CADM1: variants seen among roughly 807,000 people sequenced by gnomAD.
The protein encoded by CADM1 is cell adhesion molecule 1.
Under a neutral mutation model 53.1 loss-of-function variants are expected in CADM1, and 15 were observed. The observed-to-expected ratio is 0.28, with a 90% CI of 0.19 to 0.44. The LOEUF (loss-of-function observed/expected upper bound fraction) is 0.44, where lower values mean the gene tolerates loss of function less well. CADM1 is among the 20% of genes least tolerant of loss of function. The pLI, the probability that CADM1 is intolerant of heterozygous loss-of-function variation, is 1.00. For synonymous variants in CADM1, 281 were observed against 243.0 expected (o/e 1.16, Z -1.45); for missense variants, 434 against 611.3 (o/e 0.71, Z 3.06).
At chr11:115,179,447 T>C (rs1354584076) in intron 10 of CADM1, among the ~76,000 whole-genome samples, 1 of 152,216 alleles carries the variant, frequency 6.6e-6, no homozygotes, top group Non-Finnish European at 1.5e-5. Context: ...TGCAATGCAA[T>C]TAATTTTCCT....
intron 1 of CADM1, among the ~76,000 whole-genome samples, chr11:115,478,893 G>A (rs1268493652): frequency 6.6e-6 from 1 of 152,014 alleles, no homozygotes; most frequent in Admixed American, 6.5e-5. Context: ...TCCATTGTAT[G>A]GACAGATCAT....
intron 5 of CADM1, among the ~76,000 whole-genome samples, chr11:115,224,616 T>TA (rs1373623900): frequency 6.6e-6 from 1 of 152,180 alleles, no homozygotes; most frequent in Non-Finnish European, 1.5e-5. Flanking sequence ...CACACAGCAG[T>TA]AATTCAAGAG....
chr11:115,334,010 G>T (rs1170288047), intron 1 of CADM1, among the ~76,000 whole-genome samples: 1 of 152,122 alleles, frequency 6.6e-6, no homozygotes, highest in Non-Finnish European at 1.5e-5. Flanking sequence ...CTATGCCATA[G>T]CATAAATGTT....
chr11:115,493,574 G>T (rs966360162), intron 1 of CADM1, among the ~76,000 whole-genome samples: 2 of 152,042 alleles, frequency 1.3e-5, no homozygotes, highest in Non-Finnish European at 2.9e-5. Context: ...GGACAAAAAT[G>T]GAGAACCCTA....
At chr11:115,328,244 C>G (rs1945011891) in intron 1 of CADM1, among the ~76,000 whole-genome samples, 1 of 151,980 alleles carries the variant, frequency 6.6e-6, no homozygotes, top group African/African-American at 2.4e-5. Context: ...ATTTACGTCT[C>G]TTCTGATTTC....
intron 1 of CADM1, among the ~76,000 whole-genome samples, chr11:115,261,385 T>C (rs1288793930): frequency 6.6e-6 from 1 of 152,188 alleles, no homozygotes; most frequent in Admixed American, 6.5e-5. Flanking sequence ...TCTCAAAAAT[T>C]AACACAGGGC....
chr11:115,392,225 C>T, intron 1 of CADM1, among the ~76,000 whole-genome samples: 1 of 151,948 alleles, frequency 6.6e-6, no homozygotes, highest in East Asian at 1.9e-4. Context: ...TTCTTACTCC[C>T]CACTCAAATA....
chr11:115,216,598 C>A (rs980800356), intron 6 of CADM1, among the ~76,000 whole-genome samples: 1 of 152,174 alleles, frequency 6.6e-6, no homozygotes, highest in Non-Finnish European at 1.5e-5. Context: ...GATCACTCTG[C>A]TGAAGCTCGA....
At chr11:115,289,583 CTTT>C in intron 1 of CADM1, among the ~76,000 whole-genome samples, 1 of 104,544 alleles carries the variant, frequency 9.6e-6, no homozygotes, top group South Asian at 3.1e-4. Flanking sequence ...ACTGAATTTT[CTTT>C]TTTTTTCTTT....
intron 1 of CADM1, among the ~76,000 whole-genome samples, chr11:115,295,799 G>T (rs1054302760): frequency 4.0e-5 from 6 of 151,422 alleles, no homozygotes; most frequent in African/African-American, 1.5e-4. Context: ...CCATGACTTG[G>T]GGTTTCCTGT....
chr11:115,358,613 C>T (rs904186661), intron 1 of CADM1, among the ~76,000 whole-genome samples: 2 of 152,090 alleles, frequency 1.3e-5, no homozygotes, highest in Admixed American at 6.5e-5. Flanking sequence ...TGGACACAGC[C>T]GAACCATATC....
intron 1 of CADM1, among the ~76,000 whole-genome samples, chr11:115,291,911 A>G (rs1191206595): frequency 6.6e-6 from 1 of 152,210 alleles, no homozygotes; most frequent in Non-Finnish European, 1.5e-5. Context: ...AGCTGGGAAA[A>G]TAATTCTGAG....
intron 11 of CADM1, among the ~76,000 whole-genome samples, chr11:115,177,125 G>T (rs1005595661): frequency 6.6e-6 from 1 of 152,178 alleles, no homozygotes; most frequent in African/African-American, 2.4e-5. Flanking sequence ...ACTTGCACAA[G>T]TATGTTTGAT....
chr11:115,203,963 T>A (rs1187812721), intron 8 of CADM1, among the ~76,000 whole-genome samples: 2 of 152,246 alleles, frequency 1.3e-5, no homozygotes, highest in Non-Finnish European at 2.9e-5. Context: ...AGGTGGCTCA[T>A]GAGTATTTAC....
chr11:115,494,430 T>C (rs1949566652), intron 1 of CADM1, among the ~76,000 whole-genome samples: 1 of 152,134 alleles, frequency 6.6e-6, no homozygotes, highest in African/African-American at 2.4e-5. Flanking sequence ...ACATAGTATA[T>C]AAAATATAAA....
rs1489264037 is a variant in CADM1, at chr11:115,187,932, T to C, written c.1165+2956A>G. On this transcript the variant is annotated intron_variant, in intron 10 of 11. Coordinates refer to ENST00000331581, the MANE Select transcript of CADM1 (RefSeq NM_001301043.2). ...AGGAGTTTTCCAGATCACTTTCTTG[T>C]CTGTAGGACAAGAGCTGATAACATG... Among the ~76,000 whole-genome samples the C allele has an allele frequency of 2.0e-5, 3 of 152,280 alleles. No individual in the cohort carries two copies. In the East Asian group the frequency reaches 5.8e-4, roughly 29 times the overall value.
At chr11:115,324,217 TGTACCC>T (rs1944899775) in intron 1 of CADM1, among the ~76,000 whole-genome samples, 1 of 152,198 alleles carries the variant, frequency 6.6e-6, no homozygotes, top group African/African-American at 2.4e-5. Flanking sequence ...ACACCCTTAA[TGTACCC>T]GTAAAAGTAA....
intron 8 of CADM1, among the ~76,000 whole-genome samples, chr11:115,205,973 C>T (rs1940656215): frequency 6.6e-6 from 1 of 152,186 alleles, no homozygotes; most frequent in Non-Finnish European, 1.5e-5. Flanking sequence ...AAGTTGAAAA[C>T]ATTGTAAGCT....
chr11:115,187,211 G>C (rs1939603439), intron 10 of CADM1, among the ~76,000 whole-genome samples: 1 of 152,006 alleles, frequency 6.6e-6, no homozygotes, highest in Non-Finnish European at 1.5e-5. Context: ...GAATAAAATA[G>C]CCTGTTTGCC....
Sources: allele counts gnomAD v4.1 joint callset (sites outside exome capture counted in the v4.1 genomes callset), GRCh38; gene constraint gnomAD v4.1.1; transcripts MANE v1.5; gene names NCBI Gene and HGNC (gene_info 2026-07-23, HGNC 2026-07-21).